PRKAR2B: variants seen among roughly 807,000 people sequenced by gnomAD.
PRKAR2B encodes the protein cAMP-dependent protein kinase type II-beta regulatory subunit.
A neutral mutation model predicts 49.9 loss-of-function variants in PRKAR2B; 14 were observed. The ratio of observed to expected loss-of-function variants is 0.28; its 90% CI spans 0.19 to 0.44. PRKAR2B has a LOEUF of 0.44. Ranked by LOEUF, PRKAR2B falls within the 20% of genes least tolerant of loss-of-function variation. PRKAR2B has a pLI of 1.00. For synonymous variants in PRKAR2B, 196 were observed against 197.7 expected, an observed-to-expected ratio of 0.99 and a Z score of 0.07; for missense variants, 393 against 537.9, an observed-to-expected ratio of 0.73 and a Z score of 2.67.
chr7:107,089,654 C>G (rs1021440087), intron 2 of PRKAR2B, among the ~76,000 whole-genome samples: 3 of 152,118 alleles, frequency 2.0e-5, no homozygotes, highest in Admixed American at 6.6e-5. Context: ...AAAGAAATAC[C>G]AGGCAGTGGT....
intron 1 of PRKAR2B, among the ~76,000 whole-genome samples, chr7:107,063,012 G>GT (rs1226102087): frequency 1.7e-4 from 26 of 150,736 alleles, no homozygotes; most frequent in East Asian, 1.2e-3. Context: ...AACATTTGCT[G>GT]TTTTTTTTTG....
chr7:107,046,635 C>T (rs1793700658), intron 1 of PRKAR2B, among the ~76,000 whole-genome samples: 2 of 152,036 alleles, frequency 1.3e-5, no homozygotes, highest in Non-Finnish European at 2.9e-5. Flanking sequence ...GCTTTTCCTA[C>T]CAGAAACGAG....
In PRKAR2B at chr7:107,085,156, A is replaced by G. The variant is rs1013906521; in HGVS notation, c.343+14840A>G. 2.6e-5 allele frequency among the ~76,000 whole-genome samples: 4 copies of G among 152,224 alleles called. 1 individual carries two copies. Among genetic ancestry groups the G allele is most frequent in the Admixed American group, 6.5e-5 (1 of 15,272 alleles). On this transcript the variant is annotated intron_variant, in intron 2 of 10. Transcript: ENST00000265717. ...CTGCCCTCTCAGCCATCTATAAGCA[A>G]TAATGTTAGATGCTCTGTGATGATT...
At chr7:107,155,306 A>G (rs1796060568) in intron 8 of PRKAR2B, among the ~76,000 whole-genome samples, 1 of 152,126 alleles carries the variant, frequency 6.6e-6, no homozygotes, top group Admixed American at 6.6e-5. Flanking sequence ...TAATCCCAGC[A>G]CTTTGGGAGG....
chr7:107,054,191 T>C (rs1793866645), intron 1 of PRKAR2B, among the ~76,000 whole-genome samples: 4 of 151,900 alleles, frequency 2.6e-5, no homozygotes, highest in Non-Finnish European at 4.4e-5. Flanking sequence ...CTACTAAAAA[T>C]ACACACAAAA....
chr7:107,104,268 C>T (rs1205313434), intron 2 of PRKAR2B, among the ~76,000 whole-genome samples: 4 of 152,156 alleles, frequency 2.6e-5, no homozygotes, highest in Non-Finnish European at 5.9e-5. Context: ...CTCCTGAGCT[C>T]AGGCAGTTCA....
chr7:107,056,305 T>C (rs910862935), intron 1 of PRKAR2B, among the ~76,000 whole-genome samples: 4 of 152,208 alleles, frequency 2.6e-5, no homozygotes, highest in African/African-American at 9.6e-5. Flanking sequence ...TTGGGCTCTT[T>C]TTTGGTTCCA....
chr7:107,156,977 C>T lies in PRKAR2B; in HGVS notation c.919-7C>T. The T allele has an allele frequency of 6.2e-7, 1 of 1,603,834 alleles. No homozygotes were observed. Among genetic ancestry groups the T allele is most frequent in the African/African-American group, 1.3e-5 (1 of 74,690 alleles). On this transcript the variant is annotated splice_polypyrimidine_tract_variant and splice_region_variant and intron_variant, in intron 8 of 10. Coordinates refer to ENST00000265717, the MANE Select transcript of PRKAR2B (RefSeq NM_002736.3). ...TCACCGTCTGTTTTTGTTATTGATT[C>T]CAATAGGGAGATTCGGCTGATTCTT...
In PRKAR2B at chr7:107,099,578, T is replaced by C. The variant is rs565062127; in HGVS notation, c.344-22374T>C. Reference sequence around the variant, plus strand: ...ATGCAGAAATCACCCGTCTTCTGCGTTGCTCACCCTGGGAGCTGTAGACTG... The same window carrying C: ...ATGCAGAAATCACCCGTCTTCTGCGCTGCTCACCCTGGGAGCTGTAGACTG... On this transcript the variant is annotated intron_variant, in intron 2 of 10. Coordinates refer to ENST00000265717, the MANE Select transcript of PRKAR2B (RefSeq NM_002736.3). Among the ~76,000 whole-genome samples, 5 of 152,042 alleles carry C rather than the reference T, an allele frequency of 3.3e-5. No individual in the cohort carries two copies. In the South Asian group the frequency reaches 1.0e-3, roughly 32 times the overall value.
At chr7:107,053,156 C>G (rs1332097316) in intron 1 of PRKAR2B, among the ~76,000 whole-genome samples, 1 of 152,130 alleles carries the variant, frequency 6.6e-6, no homozygotes, top group Non-Finnish European at 1.5e-5. Context: ...TAGAAATAAT[C>G]ACCTCATGTA....
At chr7:107,055,019 G>C (rs1396372117) in intron 1 of PRKAR2B, among the ~76,000 whole-genome samples, 1 of 151,666 alleles carries the variant, frequency 6.6e-6, no homozygotes, top group Non-Finnish European at 1.5e-5. Context: ...GTGTCCATGT[G>C]TTCTCATTGT....
chr7:107,067,470 A>C (rs1326115071), intron 1 of PRKAR2B: 1 of 152,170 alleles, frequency 6.6e-6, no homozygotes, highest in Admixed American at 6.5e-5. Flanking sequence ...TGCCCCATTT[A>C]CTGTCAGAAA....
At chr7:107,150,568 C>T (rs1795964667) in intron 6 of PRKAR2B, among the ~76,000 whole-genome samples, 1 of 93,306 alleles carries the variant, frequency 1.1e-5, no homozygotes, top group East Asian at 3.5e-4. Flanking sequence ...ACGTAGAGTA[C>T]ATAACAGAGT....
At chr7:107,121,505 G>A (rs1795388218) in intron 2 of PRKAR2B, among the ~76,000 whole-genome samples, 2 of 152,064 alleles carry the variant, frequency 1.3e-5, no homozygotes, top group Admixed American at 1.3e-4. Context: ...TACCCAAAAC[G>A]TTAATATTTG....
Position 107,159,439 on chromosome 7 carries a change from C to CT in PRKAR2B, c.1124-6dup. 6.2e-7 allele frequency: 1 copy of CT among 1,610,922 alleles called. No individual in the cohort carries two copies. The highest frequency in any genetic ancestry group is 1.3e-5 in the African/African-American group (1 of 74,826). On this transcript the variant is annotated splice_polypyrimidine_tract_variant and intron_variant, in intron 10 of 10. Coordinates refer to ENST00000265717, the MANE Select transcript of PRKAR2B (RefSeq NM_002736.3). ...AATGTTATTTAAAAAAAAATCTTCTCTTTTCTCAGCAATGGATGTGCAAGC... is the reference window on the plus strand; with the variant it reads ...AATGTTATTTAAAAAAAAATCTTCTCTTTTTCTCAGCAATGGATGTGCAAGC...
At chr7:107,088,719 CCTCTTG>C (rs1341658350) in intron 2 of PRKAR2B, among the ~76,000 whole-genome samples, 1 of 152,068 alleles carries the variant, frequency 6.6e-6, no homozygotes, top group African/African-American at 2.4e-5. Flanking sequence ...CCTGCCTCAG[CCTCTTG>C]AGGAGTTGGG....
intron 6 of PRKAR2B, among the ~76,000 whole-genome samples, chr7:107,147,908 A>C (rs539005428): frequency 1.3e-5 from 2 of 152,372 alleles, no homozygotes; most frequent in South Asian, 2.1e-4. Context: ...ATTTAGTCAC[A>C]GTTCAGCATT....
intron 8 of PRKAR2B, among the ~76,000 whole-genome samples, chr7:107,153,580 TA>T (rs1562873176): frequency 3.3e-5 from 5 of 152,212 alleles, no homozygotes; most frequent in Admixed American, 6.5e-5. Context: ...GAAAATTCTA[TA>T]GAGTTTTGCA....
intron 2 of PRKAR2B, among the ~76,000 whole-genome samples, chr7:107,107,721 G>A (rs1795100662): frequency 6.6e-6 from 1 of 151,874 alleles, no homozygotes; most frequent in Admixed American, 6.6e-5. Flanking sequence ...GCAGTGGTGC[G>A]ATCTTGGCTC....
Sources: gnomAD v4.1 joint callset for allele counts (sites outside exome capture counted in the v4.1 genomes callset) on GRCh38, gnomAD v4.1.1 for gene constraint, MANE v1.5 for transcripts, NCBI Gene and HGNC (gene_info 2026-07-23, HGNC 2026-07-21) for gene names.